The following ZMYM4 variants were observed in gnomAD, a reference collection of about 807,000 sequenced individuals.
The protein encoded by ZMYM4 is zinc finger MYM-type containing 4, also known as zinc finger MYM-type protein 4.
In ZMYM4, 31 loss-of-function variants were observed where a neutral mutation model predicts 183.2. That is an observed-to-expected ratio of 0.17 (90% confidence interval 0.13 to 0.23). The LOEUF (loss-of-function observed/expected upper bound fraction) is 0.23. Among genes scored for constraint, ZMYM4 ranks in the 10% least tolerant of loss-of-function variants. The pLI is 1.00. For synonymous variants in ZMYM4, 592 were observed against 631.2 expected (o/e 0.94, Z 0.93); for missense variants, 1,273 against 1,840.3 (o/e 0.69, Z 5.64).
In ZMYM4 at chr1:35,370,124, G is replaced by T; in HGVS notation, c.925+11G>T. The stretch of plus-strand genomic sequence containing the variant: ...GTGGCAGCCCTCTTGGTAAGAAACA[G>T]ACCTGAATAAATGGATTGTGTATGT... On this transcript the variant is annotated intron_variant, in intron 6 of 29. Coordinates refer to ENST00000314607, the MANE Select transcript of ZMYM4 (RefSeq NM_005095.3). 4.3e-6 allele frequency: 7 copies of T among 1,611,552 alleles called. No individual in the cohort carries two copies. Among genetic ancestry groups the T allele is most frequent in the Non-Finnish European group, 5.9e-6 (7 of 1,178,276 alleles).
At chr1:35,388,105 T>C (rs1299954700) in intron 13 of ZMYM4, among the ~76,000 whole-genome samples, 1 of 152,266 alleles carries the variant, frequency 6.6e-6, no homozygotes, top group Non-Finnish European at 1.5e-5. Context: ...ATTAGCCTTC[T>C]AGAGCAAGGG....
intron 1 of ZMYM4, among the ~76,000 whole-genome samples, chr1:35,320,923 A>G (rs913809364): frequency 6.6e-6 from 1 of 152,162 alleles, no homozygotes; most frequent in African/African-American, 2.4e-5. Flanking sequence ...TCTTGATTTC[A>G]TTTAGGTTCT....
intron 1 of ZMYM4, among the ~76,000 whole-genome samples, chr1:35,312,075 A>G (rs1027741709): frequency 1.6e-4 from 24 of 151,844 alleles, no homozygotes; most frequent in Admixed American, 1.3e-4. Flanking sequence ...TTTGGCATCC[A>G]TGGTTTCTGA....
At chr1:35,365,436 TTTC>T (rs1200537183) in intron 5 of ZMYM4, among the ~76,000 whole-genome samples, 1 of 152,106 alleles carries the variant, frequency 6.6e-6, no homozygotes, top group Non-Finnish European at 1.5e-5. Context: ...ATGATTTCTT[TTTC>T]TTCTTGTTCA....
At chr1:35,419,028 T>G (rs1223888045) in intron 29 of ZMYM4, among the ~76,000 whole-genome samples, 2 of 152,226 alleles carry the variant, frequency 1.3e-5, no homozygotes, top group African/African-American at 4.8e-5. Flanking sequence ...TGCCCTTTGA[T>G]AATGTGTATT....
chr1:35,361,194 C>T lies in ZMYM4; in HGVS notation c.608C>T (p.Ala203Val). 1.3e-6 allele frequency: 2 copies of T among 1,582,826 alleles called. No individual in the cohort carries two copies. The highest frequency in any genetic ancestry group is 1.7e-6 in the Non-Finnish European group (2 of 1,168,526). ...RLKSSFFDKA[A>V]NQVEETLHTH... ...TTTGTTTTTTTTTTCCTTTCAATAG[C>T]TAATCAAGTTGAAGAAACATTACAT... Residue 203 changes from alanine to valine, a missense_variant and splice_region_variant, in exon 4 of 30, where the codon GCT becomes GTT. This residue lies in a region of ZMYM4 where 384 missense variants were observed against 465.6 expected (regional missense o/e 0.82). Coordinates refer to ENST00000314607, the MANE Select transcript of ZMYM4 (RefSeq NM_005095.3).
rs1201879061 is a variant in ZMYM4 at position 35,381,703 on chromosome 1, T to C, written c.1514T>C (p.Ile505Thr). The change falls in exon 9 of 30, where the codon ATA (isoleucine) becomes ACA (threonine). Residue 505 changes from isoleucine (I) to threonine (T), a missense_variant. Physicochemically the swap from Ile to Thr is moderately conservative, Grantham distance 89. This residue lies in a region of ZMYM4 where 319 missense variants were observed against 518.1 expected (regional missense o/e 0.62). Coordinates refer to ENST00000314607, the MANE Select transcript of ZMYM4 (RefSeq NM_005095.3). ...TCGGGACAATGCCACATGCTTCAGA[T>C]AGAGGGACAGTCTAAGAAGTTTTGT... is the stretch of plus-strand genomic sequence containing the variant. ...SGSGQCHMLQIEGQSKKFCSS... is the reference protein window; with the variant it reads ...SGSGQCHMLQTEGQSKKFCSS... 1.2e-6 allele frequency: 2 copies of C among 1,614,206 alleles called. No individual in the cohort carries two copies. Among genetic ancestry groups the C allele is most frequent in the Admixed American group, 1.7e-5 (1 of 60,024 alleles).
At chr1:35,394,831 TG>T (rs1275756699) in intron 18 of ZMYM4, among the ~76,000 whole-genome samples, 1 of 152,168 alleles carries the variant, frequency 6.6e-6, no homozygotes, top group Non-Finnish European at 1.5e-5. Context: ...CCTAGAATTT[TG>T]GCCGATTGCA....
intron 18 of ZMYM4, among the ~76,000 whole-genome samples, chr1:35,394,232 C>G (rs1405933529): frequency 7.2e-6 from 1 of 139,004 alleles, no homozygotes; most frequent in African/African-American, 2.8e-5. Context: ...TCTGAGCCAC[C>G]TCTATGGATG....
chr1:35,344,737 A>G (rs1303778373), intron 2 of ZMYM4, among the ~76,000 whole-genome samples: 2 of 152,112 alleles, frequency 1.3e-5, no homozygotes, highest in Non-Finnish European at 2.9e-5. Context: ...CAATATTTTA[A>G]GTATTTATGC....
At chr1:35,416,849 C>T (rs1310146571) in intron 28 of ZMYM4, among the ~76,000 whole-genome samples, 2 of 152,180 alleles carry the variant, frequency 1.3e-5, no homozygotes, top group Non-Finnish European at 2.9e-5. Context: ...CAGGCGTGAG[C>T]CACCATGCCT....
chr1:35,295,552 C>T (rs370568857), intron 1 of ZMYM4, among the ~76,000 whole-genome samples: 1 of 152,164 alleles, frequency 6.6e-6, no homozygotes, highest in Non-Finnish European at 1.5e-5. Context: ...TGGTTTCTAT[C>T]TACTAGATTT....
At chr1:35,328,575 A>G (rs1570363275) in intron 2 of ZMYM4, among the ~76,000 whole-genome samples, 1 of 149,112 alleles carries the variant, frequency 6.7e-6, no homozygotes, top group Non-Finnish European at 1.5e-5. Context: ...GGATTACAGG[A>G]GTGAGCCACC....
In ZMYM4 at chr1:35,381,685, A is replaced by G. The variant is rs1644461488; in HGVS notation, c.1496A>G (p.Gln499Arg). The G allele has an allele frequency of 1.2e-6, 2 of 1,614,142 alleles. No homozygotes were observed. The highest frequency in any genetic ancestry group is 1.7e-6 in the Non-Finnish European group (2 of 1,180,054). ...GGTTACTGTTACAGTGGGTCGGGAC[A>G]ATGCCACATGCTTCAGATAGAGGGA... ...CGGYCYSGSG[Q>R]CHMLQIEGQS... is the part of the protein sequence containing the mutation. The change falls in exon 9 of 30, where the codon CAA becomes CGA. Residue 499 changes from glutamine to arginine, a missense_variant. Around this residue, in one of 6 missense-constraint regions of ZMYM4, gnomAD observed 319 missense variants for 518.1 expected, o/e 0.62. Coordinates refer to ENST00000314607, the MANE Select transcript of ZMYM4 (RefSeq NM_005095.3).
intron 1 of ZMYM4, among the ~76,000 whole-genome samples, chr1:35,280,729 A>G (rs531233156): frequency 4.6e-5 from 7 of 152,074 alleles, no homozygotes; most frequent in Non-Finnish European, 8.8e-5. Context: ...CTGTCTTTAC[A>G]TGGCATTATC....
chr1:35,298,730 C>T (rs1328725548), intron 1 of ZMYM4, among the ~76,000 whole-genome samples: 1 of 152,144 alleles, frequency 6.6e-6, no homozygotes, highest in Non-Finnish European at 1.5e-5. Context: ...CCAGTGCCAT[C>T]TACTGACAAA....
chr1:35,347,118 G>C (rs1312738063), intron 2 of ZMYM4, among the ~76,000 whole-genome samples: 1 of 152,172 alleles, frequency 6.6e-6, no homozygotes, highest in Non-Finnish European at 1.5e-5. Context: ...CAGTTCTCCT[G>C]CCTCAGCCTC....
chr1:35,359,543 C>A, intron 3 of ZMYM4, 97 bp downstream of exon 3: 2 of 1,168,958 alleles, frequency 1.7e-6, no homozygotes, highest in Non-Finnish European at 2.3e-6. Context: ...GAAGTATGAA[C>A]GGTTAAATTC....
At chr1:35,272,502 A>G (rs1639664779) in intron 1 of ZMYM4, among the ~76,000 whole-genome samples, 1 of 152,214 alleles carries the variant, frequency 6.6e-6, no homozygotes, top group Non-Finnish European at 1.5e-5. Context: ...GGAACTCAAA[A>G]GACTTGCTGA....
Sources: gnomAD v4.1 joint callset for allele counts (sites outside exome capture counted in the v4.1 genomes callset) on GRCh38, gnomAD v4.1.1 for gene constraint, gnomAD v4.1.1 regional missense constraint, MANE v1.5 for transcripts, NCBI Gene and HGNC (gene_info 2026-07-23, HGNC 2026-07-21) for gene names.